ZNF813: variants seen among roughly 807,000 people sequenced by gnomAD.
ZNF813 encodes the protein zinc finger protein 813.
In ZNF813, 3 loss-of-function variants were observed where a neutral mutation model predicts 7.2. The ratio of observed to expected loss-of-function variants is 0.42; its 90% CI spans 0.19 to 1.08. The LOEUF is 1.08. ZNF813 is among the 50% of genes least tolerant of loss of function. The pLI, the probability that ZNF813 is intolerant of heterozygous loss-of-function variation, is 0.30. For synonymous variants in ZNF813, 227 were observed against 256.3 expected, an observed-to-expected ratio of 0.89 and a Z score of 1.09; for missense variants, 714 against 753.3, an observed-to-expected ratio of 0.95 and a Z score of 0.61.
intron 2 of ZNF813, among the ~76,000 whole-genome samples, chr19:53,484,444 C>G (rs554182364): frequency 6.6e-6 from 1 of 152,164 alleles, no homozygotes; most frequent in Non-Finnish European, 1.5e-5. Context: ...GAGATTCATT[C>G]AACCATTCTT....
At chr19:53,477,751 G>A (rs564721620) in intron 1 of ZNF813, among the ~76,000 whole-genome samples, 14 of 152,232 alleles carry the variant, frequency 9.2e-5, no homozygotes, top group Middle Eastern at 3.4e-3. Context: ...ATCCCAGGAG[G>A]TCCAGGCTGC....
At chr19:53,487,213 C>G (rs996876623) in intron 3 of ZNF813, among the ~76,000 whole-genome samples, 4 of 152,090 alleles carry the variant, frequency 2.6e-5, no homozygotes, top group Admixed American at 2.0e-4. Flanking sequence ...TTGATTCAGC[C>G]AGTCTTTGCC....
intron 1 of ZNF813, among the ~76,000 whole-genome samples, chr19:53,483,191 C>T (rs1204295390): frequency 1.7e-4 from 26 of 151,558 alleles, no homozygotes; most frequent in African/African-American, 5.1e-4. Flanking sequence ...ATTACAGGCA[C>T]GAGCCACCGT....
chr19:53,482,087 A>G (rs2086411080), intron 1 of ZNF813, among the ~76,000 whole-genome samples: 3 of 152,306 alleles, frequency 2.0e-5, no homozygotes, highest in African/African-American at 7.2e-5. Flanking sequence ...GGTCCCTGAA[A>G]TGATTGGCAA....
intron 2 of ZNF813, 112 bp downstream of exon 2, chr19:53,483,949 A>G (rs2147159882): frequency 3.8e-6 from 6 of 1,589,630 alleles, no homozygotes; most frequent in East Asian, 4.5e-5. Context: ...AGGTTTGCTC[A>G]CATTCACCCA....
intron 2 of ZNF813, among the ~76,000 whole-genome samples, chr19:53,485,409 T>C (rs910391542): frequency 6.6e-6 from 1 of 152,134 alleles, no homozygotes; most frequent in African/African-American, 2.4e-5. Context: ...CACATATACA[T>C]CTCCATACAT....
rs1335445403 is a variant in ZNF813 at position 53,493,752 on chromosome 19, C to CT, written c.*1668dup. On this transcript the variant is annotated 3_prime_UTR_variant, in exon 4 of 4. Transcript: ENST00000396403. ...TCATCTACAAACACATATAATTTTA[C>CT]TTCTTTCTTTCTGATTTGGATGGGT... The CT allele has an allele frequency of 6.6e-6, 1 of 152,128 alleles. No individual in the cohort carries two copies. The highest frequency in any genetic ancestry group is 2.4e-5 in the African/African-American group (1 of 41,432). The allele number at this position is 152,128 out of a possible 1,614,324, so 9.4% of individuals were successfully genotyped here.
At chr19:53,475,589 T>C (rs1029684358) in intron 1 of ZNF813, among the ~76,000 whole-genome samples, 3 of 152,252 alleles carry the variant, frequency 2.0e-5, no homozygotes, top group Non-Finnish European at 4.4e-5. Flanking sequence ...TAACTAATGG[T>C]GCCTTCTTTG....
In ZNF813 at chr19:53,490,401, G is replaced by A; in HGVS notation, c.169G>A (p.Glu57Lys). 1 of 1,614,080 alleles carries A rather than the reference G, an allele frequency of 6.2e-7. No individual in the cohort carries two copies. The highest frequency in any genetic ancestry group is 8.5e-7 in the Non-Finnish European group (1 of 1,179,978). Residue 57 changes from glutamate (E) to lysine (K), a missense_variant, in exon 4 of 4, where the codon GAG becomes AAG. Coordinates refer to ENST00000396403, the MANE Select transcript of ZNF813 (RefSeq NM_001004301.4). ...TATCTCTTCCAAATGCATGATGAAG[G>A]AGTTCTCATCAACAGCACAAGGCAA... ...LDISSKCMMK[E>K]FSSTAQGNRE...
chr19:53,491,203 A>G lies in ZNF813; in HGVS notation c.971A>G (p.Glu324Gly). The change falls in exon 4 of 4, where the codon GAA becomes GGA. Residue 324 changes from glutamate (E) to glycine (G), a missense_variant. By Grantham distance (98) the Glu-to-Gly change is moderately conservative. Around this residue, in one of 3 missense-constraint regions of ZNF813, gnomAD observed 563 missense variants for 554.2 expected, o/e 1.02. Transcript: ENST00000396403. ...LKRHRRIHAG[E>G]KPYKCNECGK... The stretch of plus-strand genomic sequence containing the variant: ...AGACATAGGAGAATTCATGCTGGAG[A>G]AAAACCATACAAGTGTAATGAATGT... The G allele has an allele frequency of 6.2e-7, 1 of 1,613,876 alleles. No homozygotes were observed. The highest frequency in any genetic ancestry group is 8.5e-7 in the Non-Finnish European group (1 of 1,179,790).
intron 1 of ZNF813, among the ~76,000 whole-genome samples, 164 bp from the exon 2 acceptor site, chr19:53,483,586 G>C (rs1308021375): frequency 1.3e-5 from 2 of 152,196 alleles, no homozygotes; most frequent in Non-Finnish European, 2.9e-5. Flanking sequence ...GCTTCTCCGG[G>C]AGGGGAGTGG....
intron 3 of ZNF813, among the ~76,000 whole-genome samples, chr19:53,488,529 C>T (rs558730444): frequency 1.3e-5 from 2 of 151,338 alleles, no homozygotes; most frequent in Non-Finnish European, 2.9e-5. Context: ...CTGCCTCAGT[C>T]CCCCAAGTAG....
chr19:53,479,432 A>G, intron 1 of ZNF813: 1 of 1,554,322 alleles, frequency 6.4e-7, no homozygotes, highest in Non-Finnish European at 8.7e-7. Context: ...GAGTGAGCTG[A>G]GCACCTCCAG....
intron 1 of ZNF813, among the ~76,000 whole-genome samples, chr19:53,473,325 A>C: frequency 6.6e-6 from 1 of 152,162 alleles, no homozygotes; most frequent in East Asian, 1.9e-4. Context: ...TGCATAGGCT[A>C]GTCAGCTTCC....
chr19:53,491,806 G>A lies in ZNF813; in HGVS notation c.1574G>A (p.Cys525Tyr), dbSNP rs1399910999. 1 of 1,613,534 alleles carries A rather than the reference G, an allele frequency of 6.2e-7. No homozygotes were observed. The highest frequency in any genetic ancestry group is 1.3e-5 in the African/African-American group (1 of 74,874). The stretch of plus-strand genomic sequence containing the variant: ...CATACTGGAGAGAAACCTTACAAGT[G>A]TAATGAATGTGGCAAGGTTTTTAAT... The part of the protein sequence containing the change: ...RLHTGEKPYK[C>Y]NECGKVFNRK... The change falls in exon 4 of 4, where the codon TGT becomes TAT. Residue 525 changes from cysteine (C) to tyrosine (Y), a missense_variant. This residue lies in a region of ZNF813 where 122 missense variants were observed against 146.8 expected (regional missense o/e 0.83). Transcript: ENST00000396403.
At chr19:53,469,910 G>A (rs2147152737) in intron 1 of ZNF813, among the ~76,000 whole-genome samples, 1 of 151,922 alleles carries the variant, frequency 6.6e-6, no homozygotes, top group South Asian at 2.1e-4. Context: ...GAGACAGAAG[G>A]ATGTTTACTT....
intron 2 of ZNF813, among the ~76,000 whole-genome samples, chr19:53,486,056 G>T (rs572502300): frequency 1.5e-4 from 23 of 152,194 alleles, no homozygotes; most frequent in Non-Finnish European, 2.8e-4. Flanking sequence ...GTGCCACCAT[G>T]CCCAGCTGGA....
chr19:53,491,175 A>G lies in ZNF813; in HGVS notation c.943A>G (p.Lys315Glu), dbSNP rs369633911. Residue 315 changes from lysine to glutamate, a missense_variant, in exon 4 of 4, where the codon AAA (lysine) becomes GAA (glutamate). Transcript: ENST00000396403. ...AGCTTTCAGTTTCAAATCAAACCTT[A>G]AAAGACATAGGAGAATTCATGCTGG... ...DKAFSFKSNLKRHRRIHAGEK... is the reference protein window; with the variant it reads ...DKAFSFKSNLERHRRIHAGEK... The G allele has an allele frequency of 3.1e-6, 5 of 1,613,648 alleles. 1 individual carries two copies. The highest frequency in any genetic ancestry group is 4.2e-6 in the Non-Finnish European group (5 of 1,179,764).
At position 53,486,503 on chromosome 19, in the gene ZNF813, C is replaced by T. The variant is rs903742361; in HGVS notation, c.16-129C>T. ...GGGAAGACAAAATGTGGTGAAGAAC[C>T]CCTTACTCGGATTTGTCAGAACATT... is the stretch of plus-strand genomic sequence containing the variant. On this transcript the variant is annotated intron_variant, in intron 2 of 3. Coordinates refer to ENST00000396403, the MANE Select transcript of ZNF813 (RefSeq NM_001004301.4). 3.2e-6 allele frequency: 5 copies of T among 1,566,232 alleles called. No individual in the cohort carries two copies. The African/African-American group carries it at 5.5e-5, about 17-fold the overall frequency.
Sources: gnomAD v4.1 joint callset for allele counts (sites outside exome capture counted in the v4.1 genomes callset) on GRCh38, gnomAD v4.1.1 for gene constraint, gnomAD v4.1.1 regional missense constraint, MANE v1.5 for transcripts, NCBI Gene and HGNC (gene_info 2026-07-23, HGNC 2026-07-21) for gene names.